Variants in RAPGEF2 observed in about 807,000 individuals in gnomAD.
RAPGEF2 encodes Rap guanine nucleotide exchange factor 2, also known as PDZ domain containing guanine nucleotide exchange factor (GEF) 1.
RAPGEF2 carries 54 observed loss-of-function variants against 186.7 expected under a neutral mutation model. The observed-to-expected ratio is 0.29, with a 90% CI of 0.23 to 0.36. RAPGEF2 has a LOEUF of 0.36. Among genes scored for constraint, RAPGEF2 ranks in the 10% least tolerant of loss-of-function variants. RAPGEF2 has a pLI of 1.00. For synonymous variants in RAPGEF2, 712 were observed against 705.9 expected, an observed-to-expected ratio of 1.01 and a Z score of -0.14; for missense variants, 1,532 against 2,045.0, an observed-to-expected ratio of 0.75 and a Z score of 4.84.
chr4:159,189,051 C>T (rs183252350), intron 2 of RAPGEF2, among the ~76,000 whole-genome samples: 1 of 152,214 alleles, frequency 6.6e-6, no homozygotes, highest in Admixed American at 6.5e-5. Context: ...CTTTATAATA[C>T]TACAATTTCT....
At chr4:159,270,318 A>G (rs2110807321) in intron 7 of RAPGEF2, among the ~76,000 whole-genome samples, 1 of 152,334 alleles carries the variant, frequency 6.6e-6, no homozygotes. Flanking sequence ...CAGGCTCTCA[A>G]TAAGTGACTC....
intron 7 of RAPGEF2, among the ~76,000 whole-genome samples, chr4:159,301,043 C>T (rs148557822): frequency 2.6e-4 from 40 of 152,280 alleles, no homozygotes; most frequent in African/African-American, 8.4e-4. Context: ...TAACATCTCC[C>T]ATTCCATAAC....
chr4:159,227,027 C>T lies in RAPGEF2; in HGVS notation c.282-11782C>T, dbSNP rs558935956. ...ATGAATACAGTATTTTTCAAGTGAC[C>T]TGAATTTTTGTTGAGGTTCAGTCTT... On this transcript the variant is annotated intron_variant, in intron 4 of 29. Transcript: ENST00000691494. Among the ~76,000 whole-genome samples, 17 of 152,142 alleles carry T rather than the reference C, an allele frequency of 1.1e-4. No individual in the cohort carries two copies. In the South Asian group the frequency reaches 3.5e-3, roughly 32 times the overall value.
chr4:159,103,637 G>T lies in RAPGEF2; in HGVS notation c.-526G>T, dbSNP rs1204748935. On this transcript the variant is annotated 5_prime_UTR_variant, in exon 1 of 30. Transcript: ENST00000691494. Reference sequence around the variant, plus strand: ...GACTGGGGACGCGGAAGATCCAAGTGATTCTCGGAGACCCCTGGGCGGCGG... The same window carrying T: ...GACTGGGGACGCGGAAGATCCAAGTTATTCTCGGAGACCCCTGGGCGGCGG... The T allele has an allele frequency of 1.3e-5, 2 of 152,672 alleles. No homozygotes were observed. The highest frequency in any genetic ancestry group is 2.0e-4 in the South Asian group (1 of 4,886). The allele number at this position is 152,672 out of a possible 1,614,324, so 9.5% of individuals were successfully genotyped here. A position where few individuals can be genotyped will look rare whatever the true frequency, so the allele number is the denominator to read the frequency against.
At chr4:159,270,028 G>A (rs1451982014) in intron 7 of RAPGEF2, among the ~76,000 whole-genome samples, 1 of 152,164 alleles carries the variant, frequency 6.6e-6, no homozygotes, top group Non-Finnish European at 1.5e-5. Flanking sequence ...ACAATTTAGA[G>A]TGATATTAGA....
In RAPGEF2 at chr4:159,353,990, C is replaced by T; in HGVS notation, c.4595C>T (p.Pro1532Leu). The T allele has an allele frequency of 6.2e-7, 1 of 1,612,588 alleles. No individual in the cohort carries two copies. The highest frequency in any genetic ancestry group is 8.5e-7 in the Non-Finnish European group (1 of 1,179,478). Residue 1532 changes from proline (P) to leucine (L), a missense_variant, in exon 28 of 30, where the codon CCT becomes CTT. Pro to Leu is a moderately conservative substitution (Grantham distance 98). This residue lies in a region of RAPGEF2 where 594 missense variants were observed against 608.5 expected (regional missense o/e 0.98). Transcript: ENST00000691494. This position sits in a 1 kb window ranked among gnomAD's most constrained non-coding sequence, Gnocchi z 4.3. Reference sequence around the variant, plus strand: ...TCTGTGACTACGGAAGAAACCAAGCCTGTCCCCATGCCTGCCCACATAGCT... The same window carrying T: ...TCTGTGACTACGGAAGAAACCAAGCTTGTCCCCATGCCTGCCCACATAGCT... ...LTSVTTEETKPVPMPAHIAVA... is the reference protein window; with the variant it reads ...LTSVTTEETKLVPMPAHIAVA...
At chr4:159,167,704 A>G (rs1284844725) in intron 1 of RAPGEF2, among the ~76,000 whole-genome samples, 1 of 152,238 alleles carries the variant, frequency 6.6e-6, no homozygotes, top group Admixed American at 6.5e-5. Flanking sequence ...TGTTCCTGGC[A>G]TCTAGAATAG....
chr4:159,240,110 T>A (rs181543952), intron 5 of RAPGEF2, among the ~76,000 whole-genome samples: 3 of 152,268 alleles, frequency 2.0e-5, no homozygotes, highest in African/African-American at 7.2e-5. Flanking sequence ...GTCTTAGATA[T>A]TTCCTTGAGA....
intron 19 of RAPGEF2, among the ~76,000 whole-genome samples, chr4:159,340,997 A>G (rs1729391455): frequency 6.6e-6 from 1 of 152,190 alleles, no homozygotes; most frequent in South Asian, 2.1e-4. Flanking sequence ...TTTTATGAAA[A>G]TCCAGATTTT....
At position 159,331,536 on chromosome 4, in the gene RAPGEF2, G is replaced by C. The variant is rs1244831077; in HGVS notation, c.1573G>C (p.Glu525Gln). ...AGAATTTGAAAACAATCTGGAAAGA[G>C]AGGTAATATTTGTGGTTTTTTTTAA... Reference protein sequence around the residue: ...LEEFENNLEREKMGGHLRLLN... With the variant: ...LEEFENNLERQKMGGHLRLLN... The change falls in exon 14 of 30, where the codon GAG (glutamate) becomes CAG (glutamine). Residue 525 changes from glutamate to glutamine, a missense_variant and splice_region_variant. Coordinates refer to ENST00000691494, the MANE Select transcript of RAPGEF2 (RefSeq NM_001394067.2). 6.2e-7 allele frequency: 1 copy of C among 1,612,078 alleles called. No homozygotes were observed. The highest frequency in any genetic ancestry group is 2.2e-5 in the East Asian group (1 of 44,846).
chr4:159,263,687 G>GT (rs1173726665), intron 7 of RAPGEF2, among the ~76,000 whole-genome samples: 1 of 152,070 alleles, frequency 6.6e-6, no homozygotes, highest in Non-Finnish European at 1.5e-5. Flanking sequence ...TTTTGATGAA[G>GT]TTTAATTAAA....
intron 26 of RAPGEF2, chr4:159,351,055 T>C: frequency 6.5e-7 from 1 of 1,530,704 alleles, no homozygotes; most frequent in Non-Finnish European, 8.8e-7. Context: ...CATCCTGTTG[T>C]TAGGTGGCAG....
intron 4 of RAPGEF2, among the ~76,000 whole-genome samples, chr4:159,234,406 G>A (rs1022284459): frequency 3.3e-5 from 5 of 152,010 alleles, no homozygotes; most frequent in Admixed American, 1.3e-4. Flanking sequence ...TTTTTGAGAC[G>A]GAATCTTGCT....
intron 1 of RAPGEF2, among the ~76,000 whole-genome samples, chr4:159,144,889 T>G (rs1431863915): frequency 1.9e-5 from 1 of 53,138 alleles, no homozygotes; most frequent in Non-Finnish European, 4.1e-5. Context: ...GTTTTTTTTT[T>G]TTTTTTTTTT....
At chr4:159,295,754 T>TGCGCGCGCGC (rs66478721) in intron 7 of RAPGEF2, among the ~76,000 whole-genome samples, 1 of 113,932 alleles carries the variant, frequency 8.8e-6, no homozygotes, top group African/African-American at 2.9e-5. Flanking sequence ...TGTGTGTGTG[T>TGCGCGCGCGC]GCGCGCGCGC....
At chr4:159,146,486 G>C (rs992656597) in intron 1 of RAPGEF2, among the ~76,000 whole-genome samples, 2 of 151,824 alleles carry the variant, frequency 1.3e-5, no homozygotes, top group African/African-American at 4.8e-5. Flanking sequence ...TTTGATGACT[G>C]CTTGTTCTGT....
chr4:159,330,737 G>A (rs1766579553), intron 13 of RAPGEF2: 1 of 411,496 alleles, frequency 2.4e-6, no homozygotes, highest in Non-Finnish European at 4.2e-6. Context: ...CCAATAAATT[G>A]GCCACCAAAT....
chr4:159,342,896 A>G, intron 20 of RAPGEF2, 83 bp from the exon 21 acceptor site: 1 of 1,205,862 alleles, frequency 8.3e-7, no homozygotes, highest in Non-Finnish European at 1.2e-6. Flanking sequence ...TAAAGCATAA[A>G]CATAGAGATG....
rs1163948746 is a variant in RAPGEF2 at position 159,103,387 on chromosome 4, G to C, written c.-776G>C. 1 of 153,662 alleles carries C rather than the reference G, an allele frequency of 6.5e-6. No homozygotes were observed. The highest frequency in any genetic ancestry group is 2.4e-5 in the African/African-American group (1 of 41,264). 9.5% of individuals were successfully genotyped at this position (153,662 alleles called of 1,614,324 possible). On this transcript the variant is annotated 5_prime_UTR_variant, in exon 1 of 30. The change abolishes an upstream ATG in the 5' untranslated region. Coordinates refer to ENST00000691494, the MANE Select transcript of RAPGEF2 (RefSeq NM_001394067.2). Reference sequence around the variant, plus strand: ...GCAGCTCCGCTCCGGGCGCGCTGATGGGGGGAGGCGGCGGCGGCGGAGCCC... The same window carrying C: ...GCAGCTCCGCTCCGGGCGCGCTGATCGGGGGAGGCGGCGGCGGCGGAGCCC...
Sources: gnomAD v4.1 joint callset for allele counts (sites outside exome capture counted in the v4.1 genomes callset) on GRCh38, gnomAD v4.1.1 for gene constraint, gnomAD v4.1.1 regional missense constraint, Gnocchi (gnomAD v3.1) non-coding constraint, MANE v1.5 for transcripts, NCBI Gene and HGNC (gene_info 2026-07-23, HGNC 2026-07-21) for gene names.